Variants in ZNF215 observed in about 807,000 individuals in gnomAD.
ZNF215 encodes zinc finger protein 215, also known as BWSCR2-associated zinc finger protein 2.
Under a neutral mutation model 27.2 loss-of-function variants are expected in ZNF215, and 24 were observed. That is an observed-to-expected ratio of 0.88 (90% CI 0.64 to 1.24). The LOEUF (loss-of-function observed/expected upper bound fraction) is 1.24. Among genes scored for constraint, ZNF215 ranks in the 50% most tolerant of loss-of-function variants. ZNF215 has a pLI of 0.00. For missense variants in ZNF215, 675 were observed against 605.7 expected, an observed-to-expected ratio of 1.11 and a Z score of -1.20; for synonymous variants, 210 against 204.0, an observed-to-expected ratio of 1.03 and a Z score of -0.25.
In ZNF215 at chr11:6,958,046, T is replaced by C. The variant is rs1850435997; in HGVS notation, c.*1515T>C. The C allele has an allele frequency of 1.0e-6, 1 of 985,304 alleles. No homozygotes were observed. The highest frequency in any genetic ancestry group is 4.7e-5 in the South Asian group (1 of 21,290). 61.0% of individuals were successfully genotyped at this position (985,304 alleles called of 1,614,324 possible). On this transcript the variant is annotated 3_prime_UTR_variant, in exon 7 of 7. Coordinates refer to ENST00000278319, the MANE Select transcript of ZNF215 (RefSeq NM_013250.4). ...CCTATGATTAAATAATGTCAAAATC[T>C]ATGTTTGTTCATCCTTTATATTGCA... is the stretch of plus-strand genomic sequence containing the variant.
chr11:6,965,952 T>C (rs1194341244), intron 5 of ZNF215, among the ~76,000 whole-genome samples: 1 of 152,232 alleles, frequency 6.6e-6, no homozygotes, highest in East Asian at 1.9e-4. Flanking sequence ...TTGTTCCTTA[T>C]TTTCTATTTT....
intron 5 of ZNF215, among the ~76,000 whole-genome samples, chr11:6,965,800 G>T (rs1390293279): frequency 1.3e-5 from 2 of 152,078 alleles, no homozygotes; most frequent in Non-Finnish European, 2.9e-5. Flanking sequence ...ATCTCATTGA[G>T]ATTTTTTTAT....
Position 6,933,794 on chromosome 11 carries a change from C to CAAA in ZNF215, c.400+1139_400+1141dup, listed in dbSNP as rs55667332. Among the ~76,000 whole-genome samples the CAAA allele has an allele frequency of 1.1e-3, 99 of 87,888 alleles. 1 individual carries two copies. The highest frequency in any genetic ancestry group is 2.8e-3 in the African/African-American group (65 of 23,062). 57.7% of individuals were successfully genotyped at this position (87,888 alleles called of 152,430 possible). On this transcript the variant is annotated intron_variant, in intron 3 of 6. Coordinates refer to ENST00000278319, the MANE Select transcript of ZNF215 (RefSeq NM_013250.4). ...TGGGCCACAGTGCTAGACTCCATCT[C>CAAA]AAAAAAAAAAAAAAAAAAAGCTGGT...
At chr11:6,974,151 A>G (rs1459769523) in intron 5 of ZNF215, among the ~76,000 whole-genome samples, 2 of 152,124 alleles carry the variant, frequency 1.3e-5, no homozygotes, top group Admixed American at 6.5e-5. Context: ...TTAAATAGGG[A>G]ATCCTTTCCC....
At chr11:6,985,109 A>T (rs908608894), downstream of ZNF215, among the ~76,000 whole-genome samples, 1 of 152,146 alleles carries the variant, frequency 6.6e-6, no homozygotes, top group African/African-American at 2.4e-5. Context: ...AGAAAACTTC[A>T]GACCAATGTC....
rs1850351197 is a variant in ZNF215 at position 6,956,318 on chromosome 11, T to A, written c.1341T>A (p.Ser447Arg). Residue 447 changes from serine to arginine, a missense_variant, in exon 7 of 7, where the codon AGT (serine) becomes AGA (arginine). By Grantham distance (110) the Ser-to-Arg change is moderately radical. Coordinates refer to ENST00000278319, the MANE Select transcript of ZNF215 (RefSeq NM_013250.4). ...AATGTGGAAAGGCCTTCAGTAAAAG[T>A]GAAGACAGTAATAATCCAACACTCC... ...SNKCGKAFSK[S>R]EDSNNPTLHF... is the part of the protein sequence containing the mutation. 1 of 1,614,030 alleles carries A rather than the reference T, an allele frequency of 6.2e-7. No homozygotes were observed. Among genetic ancestry groups the A allele is most frequent in the South Asian group, 1.1e-5 (1 of 91,082 alleles).
intron 5 of ZNF215, 31 bp downstream of exon 5, chr11:6,943,246 A>G (rs367788715): frequency 9.4e-6 from 15 of 1,588,478 alleles, no homozygotes; most frequent in Non-Finnish European, 1.2e-5. Context: ...TAATCTGTCC[A>G]TTTAGTAATC....
downstream of ZNF215, among the ~76,000 whole-genome samples, chr11:6,988,010 C>G (rs1011039911): frequency 6.6e-6 from 1 of 152,144 alleles, no homozygotes; most frequent in African/African-American, 2.4e-5. Flanking sequence ...CACTTATCAA[C>G]TATATCTAAG....
chr11:6,972,714 C>CA (rs1850742261), intron 5 of ZNF215, among the ~76,000 whole-genome samples: 1 of 151,980 alleles, frequency 6.6e-6, no homozygotes. Flanking sequence ...TGGCAAATGC[C>CA]AAAGAAATTT....
downstream of ZNF215, among the ~76,000 whole-genome samples, chr11:6,986,735 A>C (rs1851058779): frequency 6.6e-6 from 1 of 152,086 alleles, no homozygotes; most frequent in Non-Finnish European, 1.5e-5. Context: ...ACAAGCAGTC[A>C]ACAAATATAT....
intron 6 of ZNF215, among the ~76,000 whole-genome samples, chr11:6,954,022 T>TA (rs1160988940): frequency 6.6e-6 from 1 of 152,218 alleles, no homozygotes; most frequent in African/African-American, 2.4e-5. Flanking sequence ...TTTGCCTGGG[T>TA]ACCAGCAATG....
downstream of ZNF215, among the ~76,000 whole-genome samples, chr11:6,991,595 T>C (rs1432424211): frequency 1.3e-5 from 2 of 152,246 alleles, no homozygotes; most frequent in Non-Finnish European, 2.9e-5. Context: ...TCCTTTTCTC[T>C]TTGTGCTGTC....
rs1850376209 is a variant in ZNF215 at position 6,956,739 on chromosome 11, A to G, written c.*208A>G. On this transcript the variant is annotated 3_prime_UTR_variant, in exon 7 of 7. Coordinates refer to ENST00000278319, the MANE Select transcript of ZNF215 (RefSeq NM_013250.4). ...ATTTTCCTGGTTTTCAGATGAAGCCATAAGGCTTTGGAGTTAAACCACAGT... is the reference window on the plus strand; with the variant it reads ...ATTTTCCTGGTTTTCAGATGAAGCCGTAAGGCTTTGGAGTTAAACCACAGT... 1.5e-6 allele frequency: 2 copies of G among 1,362,806 alleles called. No individual in the cohort carries two copies. Among genetic ancestry groups the G allele is most frequent in the East Asian group, 2.8e-5 (1 of 35,458 alleles). 84.4% of individuals were successfully genotyped at this position (1,362,806 alleles called of 1,614,324 possible).
At chr11:6,944,273 GTACATGGTAAGTGCTACA>G (rs1408964343) in intron 6 of ZNF215, among the ~76,000 whole-genome samples, 1 of 152,070 alleles carries the variant, frequency 6.6e-6, no homozygotes, top group Non-Finnish European at 1.5e-5. Context: ...ACAGTGCATG[GTACATGGTAAGTGCTACA>G]TCAATGAAAA....
At chr11:6,928,846 T>G (rs1376306500) in intron 2 of ZNF215, among the ~76,000 whole-genome samples, 2 of 152,198 alleles carry the variant, frequency 1.3e-5, no homozygotes, top group Admixed American at 6.5e-5. Context: ...AGCTCTCTCT[T>G]GGCTGGTGGC....
chr11:6,972,122 ATGTT>A (rs965025037), intron 5 of ZNF215, among the ~76,000 whole-genome samples: 1 of 152,130 alleles, frequency 6.6e-6, no homozygotes, highest in Non-Finnish European at 1.5e-5. Context: ...ACTACATTAA[ATGTT>A]TGAGTGAGAT....
intron 1 of ZNF215, 116 bp downstream of exon 1, chr11:6,926,801 CG>C (rs1849059327): frequency 6.6e-6 from 1 of 152,242 alleles, no homozygotes; most frequent in Non-Finnish European, 1.5e-5. Context: ...GGCGTCCATG[CG>C]GAACGTGCAG....
intron 5 of ZNF215, among the ~76,000 whole-genome samples, chr11:6,977,053 T>C (rs1339640839): frequency 6.6e-6 from 1 of 152,038 alleles, no homozygotes; most frequent in Non-Finnish European, 1.5e-5. Flanking sequence ...TATCGCCTTC[T>C]CTTCTGTGTG....
intron 1 of ZNF215, among the ~76,000 whole-genome samples, chr11:6,927,310 A>T (rs1849087525): frequency 6.6e-6 from 1 of 152,176 alleles, no homozygotes; most frequent in African/African-American, 2.4e-5. Context: ...ACTTCTATTC[A>T]GTCACTTATT....
Sources: gnomAD v4.1 joint callset for allele counts (sites outside exome capture counted in the v4.1 genomes callset) on GRCh38, gnomAD v4.1.1 for gene constraint, MANE v1.5 for transcripts, NCBI Gene and HGNC (gene_info 2026-07-23, HGNC 2026-07-21) for gene names.